The following PTPRK variants were observed in gnomAD, a reference collection of about 807,000 sequenced individuals.
The protein encoded by PTPRK is receptor-type tyrosine-protein phosphatase kappa.
Under a neutral mutation model 178.0 loss-of-function variants are expected in PTPRK, and 75 were observed. That is an observed-to-expected ratio of 0.42 (90% CI 0.35 to 0.51). The LOEUF (loss-of-function observed/expected upper bound fraction) is 0.51, where lower values mean the gene tolerates loss of function less well. Ranked by LOEUF, PTPRK falls within the 20% of genes least tolerant of loss-of-function variation. The probability of loss-of-function intolerance (pLI) is 0.02; values close to 1 mark genes in which losing one functional copy is unlikely to be tolerated. For missense variants in PTPRK, 1,441 were observed against 1,797.8 expected, an observed-to-expected ratio of 0.80 and a Z score of 3.59; for synonymous variants, 637 against 620.6, an observed-to-expected ratio of 1.03 and a Z score of -0.39.
intron 3 of PTPRK, among the ~76,000 whole-genome samples, chr6:128,247,295 G>A (rs1815646632): frequency 6.6e-6 from 1 of 152,036 alleles, no homozygotes; most frequent in Admixed American, 6.6e-5. Context: ...AGGCTCCAAA[G>A]TCAGATATAT....
At chr6:127,979,007 C>G (rs1774936728) in intron 25 of PTPRK, among the ~76,000 whole-genome samples, 1 of 152,004 alleles carries the variant, frequency 6.6e-6, no homozygotes, top group Admixed American at 6.5e-5. Context: ...TTTTGAATCA[C>G]AGGGGATTAA....
chr6:128,043,843 T>C (rs1177880586), intron 13 of PTPRK, among the ~76,000 whole-genome samples: 8 of 151,882 alleles, frequency 5.3e-5, no homozygotes, highest in African/African-American at 1.4e-4. Context: ...AGAAACTTTA[T>C]GGCAAAATTT....
intron 7 of PTPRK, among the ~76,000 whole-genome samples, chr6:128,134,975 A>C (rs1264053245): frequency 3.9e-5 from 6 of 152,108 alleles, no homozygotes. Context: ...TTCAGACTCA[A>C]GATTGCAACA....
At chr6:128,429,096 T>C (rs544709125) in intron 1 of PTPRK, among the ~76,000 whole-genome samples, 2 of 152,170 alleles carry the variant, frequency 1.3e-5, no homozygotes. Flanking sequence ...GTTAAGAAAA[T>C]GTAAGGCCTT....
chr6:128,238,206 A>AAC, intron 5 of PTPRK: 1 of 366,714 alleles, frequency 2.7e-6, no homozygotes, highest in South Asian at 1.9e-5. Context: ...AAAAAAAGAA[A>AAC]AGAAAAAAAA....
intron 1 of PTPRK, among the ~76,000 whole-genome samples, chr6:128,430,576 A>C (rs1844708284): frequency 6.6e-6 from 1 of 152,206 alleles, no homozygotes; most frequent in African/African-American, 2.4e-5. Context: ...CATGATAACT[A>C]GTGAAGCAGC....
chr6:128,193,279 T>TTA (rs1554338433), intron 6 of PTPRK, among the ~76,000 whole-genome samples: 1 of 19,380 alleles, frequency 5.2e-5, no homozygotes, highest in Non-Finnish European at 1.1e-4. Flanking sequence ...ATCCAGCTTG[T>TTA]GAAAAAAAAA....
At chr6:128,439,246 G>A (rs924459168) in intron 1 of PTPRK, among the ~76,000 whole-genome samples, 1 of 152,070 alleles carries the variant, frequency 6.6e-6, no homozygotes, top group Non-Finnish European at 1.5e-5. Context: ...TGAAGTGGTG[G>A]GGTGGGGGGC....
At position 128,004,930 on chromosome 6, in the gene PTPRK, G is replaced by A. The variant is rs1778248902; in HGVS notation, c.2494+154C>T. The A allele has an allele frequency of 1.8e-5, 12 of 654,732 alleles. No individual in the cohort carries two copies. The East Asian group carries it at 3.4e-4, about 18-fold the overall frequency. The allele number at this position is 654,732 out of a possible 1,614,324, so 40.6% of individuals were successfully genotyped here. A position where few individuals can be genotyped will look rare whatever the true frequency, so the allele number is the denominator to read the frequency against. ...ATCAATCTTGATGAGAATCCTTCTT[G>A]TAAATTCCATAATATTCTCCATCTC... On this transcript the variant is annotated intron_variant, in intron 15 of 29. Transcript: ENST00000368226.
At chr6:128,108,311 T>G (rs1790069700) in intron 7 of PTPRK, among the ~76,000 whole-genome samples, 1 of 151,848 alleles carries the variant, frequency 6.6e-6, no homozygotes, top group Admixed American at 6.6e-5. Flanking sequence ...TGCAATAAAA[T>G]AACAAAAGAA....
intron 1 of PTPRK, among the ~76,000 whole-genome samples, chr6:128,435,290 A>T (rs1431613183): frequency 6.6e-6 from 1 of 152,202 alleles, no homozygotes; most frequent in Non-Finnish European, 1.5e-5. Flanking sequence ...AAACAATTTC[A>T]AACTTTATAA....
intron 7 of PTPRK, among the ~76,000 whole-genome samples, chr6:128,119,107 A>T (rs1792034018): frequency 1.3e-5 from 2 of 152,210 alleles, no homozygotes; most frequent in South Asian, 4.1e-4. Flanking sequence ...TATTGGCTAA[A>T]TAACATATAA....
intron 11 of PTPRK, among the ~76,000 whole-genome samples, chr6:128,068,365 T>C (rs1782198909): frequency 6.6e-6 from 1 of 152,146 alleles, no homozygotes; most frequent in Admixed American, 6.6e-5. Context: ...CATGCGGCAA[T>C]ACGGGCACAG....
intron 2 of PTPRK, among the ~76,000 whole-genome samples, chr6:128,334,853 G>T (rs553387516): frequency 6.6e-6 from 1 of 152,288 alleles, no homozygotes; most frequent in Non-Finnish European, 1.5e-5. Context: ...GACTTTGGGG[G>T]CTGAGGAGGA....
intron 10 of PTPRK, among the ~76,000 whole-genome samples, chr6:128,082,056 T>C (rs1209713005): frequency 2.0e-5 from 3 of 152,106 alleles, no homozygotes; most frequent in Non-Finnish European, 2.9e-5. Context: ...AGTACTATAA[T>C]ACTAGAGAAA....
chr6:128,454,787 T>C (rs776403378), intron 1 of PTPRK, among the ~76,000 whole-genome samples: 1 of 152,154 alleles, frequency 6.6e-6, no homozygotes, highest in Non-Finnish European at 1.5e-5. Flanking sequence ...ATATTTCTTG[T>C]AATGTGGGTC....
chr6:128,475,054 G>C lies in PTPRK; in HGVS notation c.100+45205C>G, dbSNP rs571916061. Among the ~76,000 whole-genome samples the C allele has an allele frequency of 3.9e-4, 60 of 152,156 alleles. 1 individual carries two copies. The highest frequency in any genetic ancestry group is 6.5e-4 in the Non-Finnish European group (44 of 67,976). ...TTGAAATTCAAACCCTGCCTTTGTG[G>C]GAAGCTAAGAAATTAGAAGTATCAT... On this transcript the variant is annotated intron_variant, in intron 1 of 29. Transcript: ENST00000368226.
chr6:128,284,337 C>T (rs369613156), intron 3 of PTPRK, among the ~76,000 whole-genome samples: 4 of 152,250 alleles, frequency 2.6e-5, no homozygotes, highest in East Asian at 3.9e-4. Flanking sequence ...CACCTCCATG[C>T]TCAGCACCCT....
At chr6:128,269,088 CA>C (rs1235450955) in intron 3 of PTPRK, among the ~76,000 whole-genome samples, 1 of 151,668 alleles carries the variant, frequency 6.6e-6, no homozygotes, top group Non-Finnish European at 1.5e-5. Flanking sequence ...ATTAAGAGTT[CA>C]AAAAACAACA....
Sources: allele counts gnomAD v4.1 joint callset (sites outside exome capture counted in the v4.1 genomes callset), GRCh38; gene constraint gnomAD v4.1.1; transcripts MANE v1.5; gene names NCBI Gene and HGNC (gene_info 2026-07-23, HGNC 2026-07-21).